The following TTC28 variants were observed in gnomAD, a reference collection of about 807,000 sequenced individuals.
TTC28 encodes tetratricopeptide repeat protein 28.
Under a neutral mutation model 198.0 loss-of-function variants are expected in TTC28, and 61 were observed. That is an observed-to-expected ratio of 0.31 (90% CI 0.25 to 0.38). The LOEUF is 0.38. Ranked by LOEUF, TTC28 falls within the 10% of genes least tolerant of loss-of-function variation. The pLI, the probability that TTC28 is intolerant of heterozygous loss-of-function variation, is 1.00. For synonymous variants in TTC28, 1,171 were observed against 1,297.8 expected, an observed-to-expected ratio of 0.90 and a Z score of 2.10; for missense variants, 2,678 against 3,164.0, an observed-to-expected ratio of 0.85 and a Z score of 3.69.
chr22:28,548,956 A>G (rs1430954589), intron 2 of TTC28, among the ~76,000 whole-genome samples: 1 of 152,202 alleles, frequency 6.6e-6, no homozygotes, highest in African/African-American at 2.4e-5. Flanking sequence ...ATAGTAGTCC[A>G]AATACCATGT....
At chr22:28,600,064 T>C (rs1217308479) in intron 2 of TTC28, among the ~76,000 whole-genome samples, 1 of 152,168 alleles carries the variant, frequency 6.6e-6, no homozygotes, top group Non-Finnish European at 1.5e-5. Context: ...TCAAATAAAA[T>C]AACTGCATAA....
intron 2 of TTC28, among the ~76,000 whole-genome samples, chr22:28,407,310 A>G (rs2047012033): frequency 6.6e-6 from 1 of 152,226 alleles, no homozygotes; most frequent in African/African-American, 2.4e-5. Context: ...AAGCACAGCA[A>G]TACTAACTTC....
chr22:28,444,431 AG>A (rs2047672316), intron 2 of TTC28, among the ~76,000 whole-genome samples: 1 of 152,196 alleles, frequency 6.6e-6, no homozygotes, highest in Non-Finnish European at 1.5e-5. Flanking sequence ...GTTAACTCAA[AG>A]GGACTGCTTT....
chr22:28,352,312 C>CATATATATATATAT (rs35793503), intron 2 of TTC28, among the ~76,000 whole-genome samples: 6 of 142,740 alleles, frequency 4.2e-5, no homozygotes, highest in African/African-American at 1.3e-4. Flanking sequence ...GAGATATATA[C>CATATATATATATAT]ATATATATAT....
chr22:28,117,618 GTTA>G (rs1942668547), intron 6 of TTC28, among the ~76,000 whole-genome samples: 1 of 152,128 alleles, frequency 6.6e-6, no homozygotes, highest in Non-Finnish European at 1.5e-5. Flanking sequence ...GTGCCCTCGA[GTTA>G]GTTAATTTGC....
chr22:28,567,217 GAA>G (rs962703897), intron 2 of TTC28, among the ~76,000 whole-genome samples: 1 of 83,080 alleles, frequency 1.2e-5, no homozygotes, highest in East Asian at 3.6e-4. Context: ...CTCCATCTCG[GAA>G]AAAAAAAAAA....
intron 2 of TTC28, among the ~76,000 whole-genome samples, chr22:28,437,570 T>C (rs909539171): frequency 6.6e-6 from 1 of 152,002 alleles, no homozygotes; most frequent in Non-Finnish European, 1.5e-5. Flanking sequence ...TGAACAGATA[T>C]GCATTTTTTT....
intron 5 of TTC28, among the ~76,000 whole-genome samples, chr22:28,250,376 C>A (rs76834492): frequency 0.026 from 3,975 of 152,192 alleles, 175 homozygotes; most frequent in African/African-American, 0.091. Context: ...CCTTACTATT[C>A]TTAAAAGAGG....
intron 2 of TTC28, among the ~76,000 whole-genome samples, chr22:28,577,133 C>T (rs951203277): frequency 2.0e-5 from 3 of 152,034 alleles, no homozygotes; most frequent in African/African-American, 2.4e-5. Flanking sequence ...CTTATTACTG[C>T]TTTTGCTGTA....
chr22:28,092,653 T>A (rs1181925489), intron 12 of TTC28, among the ~76,000 whole-genome samples: 5 of 152,182 alleles, frequency 3.3e-5, no homozygotes, highest in Non-Finnish European at 5.9e-5. Flanking sequence ...TGGCCTAAAT[T>A]TCTGTCTGCC....
At chr22:28,562,691 T>C (rs184095682) in intron 2 of TTC28, among the ~76,000 whole-genome samples, 2 of 152,278 alleles carry the variant, frequency 1.3e-5, no homozygotes, top group East Asian at 1.9e-4. Context: ...AAGGGCAGGT[T>C]TGGAGCTGAC....
chr22:27,988,330 C>T lies in TTC28; in HGVS notation c.5707+1548G>A, dbSNP rs568529295. 2.7e-5 allele frequency among the ~76,000 whole-genome samples: 4 copies of T among 149,802 alleles called. No homozygotes were observed. The South Asian group carries it at 8.5e-4, about 32-fold the overall frequency. The stretch of plus-strand genomic sequence containing the variant: ...GACAGAGCTTTTTGCTCTTGTCGCC[C>T]AGGCTGGAGTACAGTGGCGCGATCT... On this transcript the variant is annotated intron_variant, in intron 21 of 22. Transcript: ENST00000397906.
Position 28,306,505 on chromosome 22 carries a change from G to C in TTC28, c.520C>G (p.Pro174Ala). Residue 174 changes from proline to alanine, a missense_variant, in exon 3 of 23, where the codon CCC (proline) becomes GCC (alanine). By Grantham distance (27) the Pro-to-Ala change is conservative (BLOSUM62 -1). Coordinates refer to ENST00000397906, the MANE Select transcript of TTC28 (RefSeq NM_001145418.2). ...VGMVEAAMKS[P>A]MRDSLEPTYQ... is the part of the protein sequence containing the mutation. ...CTTTTATCATATTTACCTCTCATGGGAGATTTCATGGCGGCTTCCACCATC... is the reference window on the plus strand; with the variant it reads ...CTTTTATCATATTTACCTCTCATGGCAGATTTCATGGCGGCTTCCACCATC... The C allele has an allele frequency of 6.5e-7, 1 of 1,550,096 alleles. No homozygotes were observed. The highest frequency in any genetic ancestry group is 8.7e-7 in the Non-Finnish European group (1 of 1,146,542).
chr22:28,130,840 T>C (rs140647310), intron 6 of TTC28, among the ~76,000 whole-genome samples: 1 of 152,342 alleles, frequency 6.6e-6, no homozygotes, highest in East Asian at 1.9e-4. Context: ...TGGTGACAAC[T>C]TTATCTGTCA....
At chr22:28,096,131 A>T in intron 11 of TTC28, 59 bp downstream of exon 11, 1 of 1,468,724 alleles carries the variant, frequency 6.8e-7, no homozygotes, top group Non-Finnish European at 9.0e-7. Flanking sequence ...ACCTCTATTC[A>T]TTAGACTTTC....
intron 2 of TTC28, among the ~76,000 whole-genome samples, chr22:28,399,298 A>T (rs929783631): frequency 2.0e-5 from 3 of 149,640 alleles, no homozygotes; most frequent in Admixed American, 1.3e-4. Flanking sequence ...CAATGTTTGT[A>T]TAAGTTGAGA....
chr22:28,003,933 G>A (rs1234388074), intron 14 of TTC28, among the ~76,000 whole-genome samples: 4 of 152,236 alleles, frequency 2.6e-5, no homozygotes, highest in Non-Finnish European at 5.9e-5. Context: ...TGTCCGTCAT[G>A]TGCCTACTGG....
intron 2 of TTC28, among the ~76,000 whole-genome samples, chr22:28,406,713 T>A (rs1267501377): frequency 2.0e-5 from 3 of 152,176 alleles, no homozygotes; most frequent in Admixed American, 2.0e-4. Context: ...ACATCAGAAG[T>A]CCAAGGTCTA....
At chr22:28,443,623 T>C (rs1448670820) in intron 2 of TTC28, among the ~76,000 whole-genome samples, 2 of 152,098 alleles carry the variant, frequency 1.3e-5, no homozygotes, top group African/African-American at 2.4e-5. Context: ...AAGGAAATCC[T>C]GCAAGAACCC....
Sources: gnomAD v4.1 joint callset for allele counts (sites outside exome capture counted in the v4.1 genomes callset) on GRCh38, gnomAD v4.1.1 for gene constraint, MANE v1.5 for transcripts, NCBI Gene and HGNC (gene_info 2026-07-23, HGNC 2026-07-21) for gene names.